The following CHST11 variants were observed in gnomAD, a reference collection of about 807,000 sequenced individuals.
The protein encoded by CHST11 is carbohydrate sulfotransferase 11, also known as C4S-1.
CHST11 carries 9 observed loss-of-function variants against 30.4 expected under a neutral mutation model. That is an observed-to-expected ratio of 0.30 (90% confidence interval 0.18 to 0.52). CHST11 has a LOEUF of 0.52. Ranked by LOEUF, CHST11 falls within the 20% of genes least tolerant of loss-of-function variation. The probability of loss-of-function intolerance (pLI) is 0.97; values close to 1 mark genes in which losing one functional copy is unlikely to be tolerated. For missense variants in CHST11, 348 were observed against 460.6 expected (o/e 0.76, Z 2.24); for synonymous variants, 152 against 187.8 (o/e 0.81, Z 1.56).
chr12:104,485,796 A>G, intron 1 of CHST11, among the ~76,000 whole-genome samples: 1 of 152,198 alleles, frequency 6.6e-6, no homozygotes, highest in East Asian at 1.9e-4. Flanking sequence ...CTGCAAATGG[A>G]AACGGTGGAA....
intron 2 of CHST11, among the ~76,000 whole-genome samples, chr12:104,653,481 C>A (rs1280907693): frequency 6.6e-6 from 1 of 152,158 alleles, no homozygotes; most frequent in Non-Finnish European, 1.5e-5. Flanking sequence ...ACCCCATTAT[C>A]TTAGTGCTAA....
intron 1 of CHST11, among the ~76,000 whole-genome samples, chr12:104,551,339 G>A (rs951217457): frequency 2.0e-5 from 3 of 152,086 alleles, no homozygotes; most frequent in African/African-American, 2.4e-5. Flanking sequence ...GCCTCCAAAC[G>A]CTGACAGCAT....
In CHST11 at chr12:104,600,157, GA is replaced by G. The variant is rs1230862003; in HGVS notation, c.119-1748del. On this transcript the variant is annotated intron_variant, in intron 1 of 2. Coordinates refer to ENST00000303694, the MANE Select transcript of CHST11 (RefSeq NM_018413.6). This position sits in a 1 kb window ranked among gnomAD's most constrained non-coding sequence, Gnocchi z 4.1. ...TCTGGGCATTGATGATTGACTTTCA[GA>G]GTTTCCACGTGGCTCAAAGTGACAA... Among the ~76,000 whole-genome samples, 1 of 152,258 alleles carries G rather than the reference GA, an allele frequency of 6.6e-6. No homozygotes were observed. Among genetic ancestry groups the G allele is most frequent in the Non-Finnish European group, 1.5e-5 (1 of 68,040 alleles).
intron 1 of CHST11, among the ~76,000 whole-genome samples, chr12:104,551,869 C>T (rs568381322): frequency 3.9e-5 from 6 of 152,200 alleles, no homozygotes; most frequent in Admixed American, 6.5e-5. Flanking sequence ...GGTCTCTTTG[C>T]CTGCTGTGAC....
chr12:104,648,801 G>A (rs927544209), intron 2 of CHST11, among the ~76,000 whole-genome samples: 2 of 151,962 alleles, frequency 1.3e-5, no homozygotes, highest in Non-Finnish European at 2.9e-5. Flanking sequence ...ACAACAGAGC[G>A]AGACTCTCAA....
At chr12:104,623,770 C>T (rs1348331309) in intron 2 of CHST11, among the ~76,000 whole-genome samples, 1 of 151,996 alleles carries the variant, frequency 6.6e-6, no homozygotes, top group African/African-American at 2.4e-5. Context: ...GGCTCTATCT[C>T]ACCGTCTCTG....
intron 2 of CHST11, among the ~76,000 whole-genome samples, chr12:104,657,944 G>A (rs2039561519): frequency 6.6e-6 from 1 of 152,212 alleles, no homozygotes; most frequent in Admixed American, 6.5e-5. Flanking sequence ...TTGACGGAGG[G>A]GGATTTTGAA....
At chr12:104,501,461 C>T (rs987852571) in intron 1 of CHST11, among the ~76,000 whole-genome samples, 1 of 152,210 alleles carries the variant, frequency 6.6e-6, no homozygotes, top group African/African-American at 2.4e-5. Flanking sequence ...TTTTCTCCCT[C>T]TTAGGAAATG....
intron 1 of CHST11, among the ~76,000 whole-genome samples, chr12:104,465,400 A>T (rs2037447674): frequency 6.6e-6 from 1 of 152,164 alleles, no homozygotes; most frequent in South Asian, 2.1e-4. Flanking sequence ...TGAGGCTTGA[A>T]CCTGGAAGTT....
At chr12:104,496,145 A>AT (rs2037795660) in intron 1 of CHST11, among the ~76,000 whole-genome samples, 1 of 152,030 alleles carries the variant, frequency 6.6e-6, no homozygotes, top group Non-Finnish European at 1.5e-5. Context: ...GAGGCACAAC[A>AT]TTTTTTTCTT....
At chr12:104,514,292 G>A (rs548581471) in intron 1 of CHST11, 41 of 880,772 alleles carry the variant, frequency 4.7e-5, no homozygotes, top group South Asian at 1.3e-4. Flanking sequence ...GCATTGGAGC[G>A]GTGTTTGGCA....
intron 2 of CHST11, among the ~76,000 whole-genome samples, chr12:104,651,296 A>G (rs1456741258): frequency 6.6e-6 from 1 of 152,196 alleles, no homozygotes; most frequent in Non-Finnish European, 1.5e-5. Flanking sequence ...TTCTCCCTGA[A>G]AAAGTTAATA....
intron 2 of CHST11, among the ~76,000 whole-genome samples, chr12:104,654,083 A>G (rs1440267832): frequency 2.0e-5 from 3 of 152,176 alleles, no homozygotes; most frequent in African/African-American, 7.2e-5. Flanking sequence ...TCCCACAAGT[A>G]TTGAGCACCT....
intron 1 of CHST11, chr12:104,553,313 G>A (rs1229340512): frequency 6.6e-6 from 1 of 152,348 alleles, no homozygotes; most frequent in African/African-American, 2.4e-5. Context: ...CACATACGAA[G>A]TGCACTTTGA....
intron 2 of CHST11, among the ~76,000 whole-genome samples, chr12:104,619,345 T>G (rs2039138182): frequency 1.3e-5 from 2 of 152,234 alleles, no homozygotes; most frequent in African/African-American, 4.8e-5. Flanking sequence ...GAGAAGGACT[T>G]CTGTGGGCTT....
intron 1 of CHST11, among the ~76,000 whole-genome samples, chr12:104,496,582 A>G (rs959328037): frequency 6.6e-6 from 1 of 152,256 alleles, no homozygotes; most frequent in Non-Finnish European, 1.5e-5. Context: ...CTATCAGTAA[A>G]TAATGGCACA....
At chr12:104,463,081 C>T (rs1040193176) in intron 1 of CHST11, among the ~76,000 whole-genome samples, 1 of 152,152 alleles carries the variant, frequency 6.6e-6, no homozygotes, top group African/African-American at 2.4e-5. Context: ...TTGTTCATAG[C>T]TTTATCAGCA....
At chr12:104,655,276 C>T (rs997662962) in intron 2 of CHST11, among the ~76,000 whole-genome samples, 1 of 152,224 alleles carries the variant, frequency 6.6e-6, no homozygotes, top group Non-Finnish European at 1.5e-5. Context: ...ACCTTCGCGC[C>T]GGAGGCGCGG....
At chr12:104,476,322 C>A (rs1038247645) in intron 1 of CHST11, among the ~76,000 whole-genome samples, 1 of 150,482 alleles carries the variant, frequency 6.6e-6, no homozygotes, top group African/African-American at 2.4e-5. Flanking sequence ...ATGTTATACA[C>A]ACATATAATA....
Sources: allele counts gnomAD v4.1 joint callset (sites outside exome capture counted in the v4.1 genomes callset), GRCh38; gene constraint gnomAD v4.1.1; non-coding constraint Gnocchi (gnomAD v3.1); transcripts MANE v1.5; gene names NCBI Gene and HGNC (gene_info 2026-07-23, HGNC 2026-07-21).